BANF2: variants seen among roughly 807,000 people sequenced by gnomAD.
The protein encoded by BANF2 is barrier-to-autointegration factor-like protein.
Under a neutral mutation model 8.0 loss-of-function variants are expected in BANF2, and 4 were observed. The ratio of observed to expected loss-of-function variants is 0.50; its 90% CI spans 0.25 to 1.14. The LOEUF (loss-of-function observed/expected upper bound fraction) is 1.14, where lower values mean the gene tolerates loss of function less well. Among genes scored for constraint, BANF2 ranks in the 50% most tolerant of loss-of-function variants. The pLI is 0.16. For synonymous variants in BANF2, 50 were observed against 40.6 expected (o/e 1.23, Z -0.88); for missense variants, 96 against 107.5 (o/e 0.89, Z 0.47).
chr20:17,693,808 G>C (rs1299802898), intron 1 of BANF2: 18 of 1,321,542 alleles, frequency 1.4e-5, no homozygotes, highest in African/African-American at 4.4e-5. Flanking sequence ...TGTCCAGTGG[G>C]AGGAGGTGCT....
chr20:17,718,663 A>T (rs1365208315), intron 1 of BANF2, among the ~76,000 whole-genome samples: 1 of 152,168 alleles, frequency 6.6e-6, no homozygotes, highest in African/African-American at 2.4e-5. Context: ...CATATTTGTG[A>T]TCACCTCCTT....
Position 17,714,370 on chromosome 20 carries a change from A to T in BANF2, c.-166-8346A>T, listed in dbSNP as rs1306315304. On this transcript the variant is annotated intron_variant, in intron 1 of 3. Transcript: ENST00000246090. ...CTCCTGATCCTTTGCAGATAACAGG[A>T]CCCCAAAGGGAAGGGAATATTTTCA... Among the ~76,000 whole-genome samples the T allele has an allele frequency of 2.0e-5, 3 of 152,138 alleles. No homozygotes were observed. The East Asian group carries it at 5.8e-4, about 29-fold the overall frequency.
chr20:17,716,267 C>T (rs530571279), intron 1 of BANF2, among the ~76,000 whole-genome samples: 1 of 152,312 alleles, frequency 6.6e-6, no homozygotes, highest in African/African-American at 2.4e-5. Flanking sequence ...AGACCCTTAA[C>T]AGCCTAGGTG....
At chr20:17,700,874 C>T (rs1365546942) in intron 1 of BANF2, among the ~76,000 whole-genome samples, 1 of 152,204 alleles carries the variant, frequency 6.6e-6, no homozygotes, top group Non-Finnish European at 1.5e-5. Context: ...TGTTTTCCCA[C>T]AGTCTGTCTA....
chr20:17,714,300 T>C (rs980597280), intron 1 of BANF2, among the ~76,000 whole-genome samples: 15 of 151,710 alleles, frequency 9.9e-5, no homozygotes, highest in Admixed American at 5.2e-4. Flanking sequence ...AAGGGTGAAC[T>C]AATATGCTTG....
chr20:17,705,304 T>C (rs1039386151), intron 1 of BANF2, among the ~76,000 whole-genome samples: 4 of 152,104 alleles, frequency 2.6e-5, no homozygotes, highest in Admixed American at 1.3e-4. Flanking sequence ...CAATTGATCA[T>C]GAGAACAGGT....
chr20:17,720,336 C>T (rs1049234000), intron 1 of BANF2, among the ~76,000 whole-genome samples: 4 of 152,168 alleles, frequency 2.6e-5, no homozygotes, highest in Non-Finnish European at 4.4e-5. Flanking sequence ...GCATCCCAAA[C>T]GTCTATCAAT....
intron 1 of BANF2, among the ~76,000 whole-genome samples, chr20:17,703,401 T>TAC (rs1004336856): frequency 7.5e-4 from 115 of 152,350 alleles, no homozygotes; most frequent in Non-Finnish European, 8.8e-4. Context: ...GTATGGTGCT[T>TAC]ACAGTGTGTG....
At chr20:17,710,894 G>A (rs1373801454) in intron 1 of BANF2, among the ~76,000 whole-genome samples, 1 of 150,474 alleles carries the variant, frequency 6.6e-6, no homozygotes, top group Non-Finnish European at 1.5e-5. Context: ...TGTGTGGGCA[G>A]ATCTGGGGGC....
chr20:17,730,235 T>C (rs1447609346), intron 3 of BANF2, among the ~76,000 whole-genome samples: 3 of 152,146 alleles, frequency 2.0e-5, no homozygotes, highest in African/African-American at 7.2e-5. Flanking sequence ...ATTTTCCTGA[T>C]TGGAAAGTGG....
upstream of BANF2, among the ~76,000 whole-genome samples, chr20:17,699,227 C>T (rs540085587): frequency 6.6e-6 from 1 of 152,336 alleles, no homozygotes; most frequent in South Asian, 2.1e-4. Context: ...ATCCCCAATC[C>T]CAAGCACCAG....
chr20:17,716,576 GAGAC>G (rs1485108623), intron 1 of BANF2, among the ~76,000 whole-genome samples: 13 of 150,656 alleles, frequency 8.6e-5, no homozygotes, highest in Admixed American at 7.3e-4. Flanking sequence ...TTTAAAGAAA[GAGAC>G]AGGTCAGGTG....
intron 1 of BANF2, among the ~76,000 whole-genome samples, chr20:17,704,115 C>T (rs535011262): frequency 6.6e-6 from 1 of 152,346 alleles, no homozygotes; most frequent in South Asian, 2.1e-4. Flanking sequence ...TTCTACCGGG[C>T]TAACTAAGCC....
At chr20:17,729,258 A>C (rs2037859223) in intron 3 of BANF2, among the ~76,000 whole-genome samples, 2 of 152,118 alleles carry the variant, frequency 1.3e-5, no homozygotes, top group South Asian at 4.1e-4. Context: ...CTACAGCCAG[A>C]CTATCCTCGA....
intron 3 of BANF2, among the ~76,000 whole-genome samples, chr20:17,732,621 G>T (rs1297547687): frequency 6.6e-6 from 1 of 152,204 alleles, no homozygotes; most frequent in Admixed American, 6.5e-5. Flanking sequence ...CTCCCAAAGT[G>T]CTGGGATTAC....
chr20:17,710,363 A>G (rs1024216384), intron 1 of BANF2, among the ~76,000 whole-genome samples: 2 of 152,184 alleles, frequency 1.3e-5, no homozygotes, highest in African/African-American at 4.8e-5. Flanking sequence ...GCCTTTTACT[A>G]GATAGGTGGC....
At chr20:17,705,010 T>C (rs2037461888) in intron 1 of BANF2, among the ~76,000 whole-genome samples, 1 of 152,198 alleles carries the variant, frequency 6.6e-6, no homozygotes, top group African/African-American at 2.4e-5. Flanking sequence ...GTGTCCACAA[T>C]GATGCAGTCA....
chr20:17,709,686 G>A (rs1389581851), intron 1 of BANF2, among the ~76,000 whole-genome samples: 1 of 152,194 alleles, frequency 6.6e-6, no homozygotes, highest in Non-Finnish European at 1.5e-5. Flanking sequence ...CAGTGGTTGA[G>A]AACACAGATA....
At chr20:17,709,990 C>T (rs1365621352) in intron 1 of BANF2, among the ~76,000 whole-genome samples, 4 of 152,142 alleles carry the variant, frequency 2.6e-5, no homozygotes, top group East Asian at 1.9e-4. Context: ...GATGTGAGAC[C>T]GGGAAGGGAA....
Sources: allele counts gnomAD v4.1 joint callset (sites outside exome capture counted in the v4.1 genomes callset), GRCh38; gene constraint gnomAD v4.1.1; transcripts MANE v1.5; gene names NCBI Gene and HGNC (gene_info 2026-07-23, HGNC 2026-07-21).